Variants in GLCCI1 observed in about 807,000 individuals in gnomAD.
The protein encoded by GLCCI1 is glucocorticoid induced 1, also known as glucocorticoid-induced transcript 1 protein.
GLCCI1 carries 24 observed loss-of-function variants against 52.2 expected under a neutral mutation model. That is an observed-to-expected ratio of 0.46 (90% CI 0.33 to 0.65). The LOEUF is 0.65. Among genes scored for constraint, GLCCI1 ranks in the 30% least tolerant of loss-of-function variants. The probability of loss-of-function intolerance (pLI) is 0.02; values close to 1 mark genes in which losing one functional copy is unlikely to be tolerated. For missense variants in GLCCI1, 704 were observed against 701.5 expected (o/e 1.00, Z -0.04); for synonymous variants, 310 against 276.5 (o/e 1.12, Z -1.20).
intron 1 of GLCCI1, among the ~76,000 whole-genome samples, chr7:7,984,860 A>G (rs1780691874): frequency 6.6e-6 from 1 of 152,260 alleles, no homozygotes; most frequent in Non-Finnish European, 1.5e-5. Context: ...CCTAAAAGGG[A>G]AAGAACTCAT....
At chr7:8,040,357 G>T (rs1461337396) in intron 3 of GLCCI1, among the ~76,000 whole-genome samples, 1 of 152,146 alleles carries the variant, frequency 6.6e-6, no homozygotes, top group African/African-American at 2.4e-5. Context: ...ATGGTGGTGT[G>T]TGCCTGTGGT....
At chr7:8,052,761 C>G (rs1042020578) in intron 3 of GLCCI1, among the ~76,000 whole-genome samples, 7 of 152,212 alleles carry the variant, frequency 4.6e-5, no homozygotes, top group African/African-American at 1.7e-4. Flanking sequence ...CACCAGGTCT[C>G]TTGCTAGTGA....
intron 5 of GLCCI1, among the ~76,000 whole-genome samples, chr7:8,064,977 A>G (rs1284425643): frequency 6.6e-6 from 1 of 151,988 alleles, no homozygotes; most frequent in African/African-American, 2.4e-5. Context: ...CGGCCCCCCT[A>G]AAGTGCTGGG....
chr7:7,972,033 C>G (rs949357187), intron 1 of GLCCI1, among the ~76,000 whole-genome samples: 2 of 152,176 alleles, frequency 1.3e-5, no homozygotes, highest in African/African-American at 4.8e-5. Flanking sequence ...GCCTTTTACC[C>G]CCACTACCCA....
chr7:7,980,918 C>A lies in GLCCI1; in HGVS notation c.457+11111C>A, dbSNP rs557605356. 1.2e-5 allele frequency: 7 copies of A among 604,126 alleles called. No individual in the cohort carries two copies. The Admixed American group carries it at 1.7e-4, about 14-fold the overall frequency. The allele number at this position is 604,126 out of a possible 1,614,324, so 37.4% of individuals were successfully genotyped here. ...GATGACATTCCTGATTTATTAATCC[C>A]TGATCAATCACCAGAACCTACAAGG... On this transcript the variant is annotated intron_variant, in intron 1 of 7. Coordinates refer to ENST00000223145, the MANE Select transcript of GLCCI1 (RefSeq NM_138426.4).
At chr7:7,999,531 C>G (rs753092956) in intron 1 of GLCCI1, among the ~76,000 whole-genome samples, 1 of 152,156 alleles carries the variant, frequency 6.6e-6, no homozygotes, top group African/African-American at 2.4e-5. Context: ...AGCTTGAGCC[C>G]AGGAGTTCCA....
At chr7:7,976,960 A>C (rs555778424) in intron 1 of GLCCI1, among the ~76,000 whole-genome samples, 1 of 151,936 alleles carries the variant, frequency 6.6e-6, no homozygotes, top group African/African-American at 2.4e-5. Context: ...CCAACCATCT[A>C]GATGTGTTTC....
intron 1 of GLCCI1, among the ~76,000 whole-genome samples, chr7:7,990,023 G>T (rs1780808559): frequency 6.6e-6 from 1 of 151,788 alleles, no homozygotes; most frequent in Non-Finnish European, 1.5e-5. Context: ...TTTTAAAAAT[G>T]TAATCAGAAG....
rs78472191 is a variant in GLCCI1, at chr7:8,057,336, T to C, written c.813+1787T>C. 2.5e-3 allele frequency among the ~76,000 whole-genome samples: 372 copies of C among 151,612 alleles called. 2 individuals carry two copies. Among genetic ancestry groups the C allele is most frequent in the African/African-American group, 8.4e-3 (346 of 41,360 alleles). ...AAGTTGTGAGTGGATAAACACTTCA[T>C]GTATCCATGCATCCATGCAATACTG... On this transcript the variant is annotated intron_variant, in intron 4 of 7. Coordinates refer to ENST00000223145, the MANE Select transcript of GLCCI1 (RefSeq NM_138426.4).
In GLCCI1 at chr7:7,986,735, G is replaced by A. The variant is rs1431484128; in HGVS notation, c.457+16928G>A. 5.3e-5 allele frequency among the ~76,000 whole-genome samples: 8 copies of A among 152,170 alleles called. 1 individual carries two copies. Among genetic ancestry groups the A allele is most frequent in the Admixed American group, 4.6e-4 (7 of 15,282 alleles). The stretch of plus-strand genomic sequence containing the variant: ...ACACTCAGAGACTTGGTACAGAAAT[G>A]GAGTTGGTTTCTTCACTTATTGGCA... On this transcript the variant is annotated intron_variant, in intron 1 of 7. Transcript: ENST00000223145.
intron 6 of GLCCI1, among the ~76,000 whole-genome samples, chr7:8,077,554 A>G (rs992251845): frequency 6.6e-6 from 1 of 152,148 alleles, no homozygotes; most frequent in Non-Finnish European, 1.5e-5. Context: ...TGGACAAGCT[A>G]CTCAATCGAT....
At chr7:8,070,825 G>C in intron 5 of GLCCI1, 96 bp from the exon 6 acceptor site, 4 of 1,080,450 alleles carry the variant, frequency 3.7e-6, no homozygotes, top group South Asian at 1.5e-5. Context: ...TGGGTCAGTA[G>C]TGGTGGAATA....
intron 1 of GLCCI1, among the ~76,000 whole-genome samples, chr7:7,976,120 TATAACTTAA>T: frequency 6.6e-6 from 1 of 152,146 alleles, no homozygotes; most frequent in South Asian, 2.1e-4. Context: ...AGTGTACGTA[TATAACTTAA>T]TGAAGTCCAC....
At chr7:8,057,673 C>G (rs1782428959) in intron 4 of GLCCI1, among the ~76,000 whole-genome samples, 1 of 152,070 alleles carries the variant, frequency 6.6e-6, no homozygotes, top group African/African-American at 2.4e-5. Context: ...AGCTGTAAAA[C>G]AAACTGGCAA....
chr7:7,983,016 C>G (rs1177261004), intron 1 of GLCCI1, among the ~76,000 whole-genome samples: 1 of 152,130 alleles, frequency 6.6e-6, no homozygotes, highest in East Asian at 1.9e-4. Context: ...CTTTAGGACA[C>G]TTGCCCCGTT....
At position 8,068,778 on chromosome 7, in the gene GLCCI1, C is replaced by T. The variant is rs935558046; in HGVS notation, c.967-2143C>T. Among the ~76,000 whole-genome samples the T allele has an allele frequency of 2.6e-5, 4 of 152,266 alleles. No homozygotes were observed. In the East Asian group the frequency reaches 5.8e-4, roughly 22 times the overall value. On this transcript the variant is annotated intron_variant, in intron 5 of 7. Coordinates refer to ENST00000223145, the MANE Select transcript of GLCCI1 (RefSeq NM_138426.4). Reference sequence around the variant, plus strand: ...CCTGTGTGGGCTGATGTTCCTTCAACCATGGTATAATTTGTACAGTCGGTT... The same window carrying T: ...CCTGTGTGGGCTGATGTTCCTTCAATCATGGTATAATTTGTACAGTCGGTT...
At chr7:7,980,766 G>A in intron 1 of GLCCI1, 1 of 693,378 alleles carries the variant, frequency 1.4e-6, no homozygotes. Context: ...GTACCATACA[G>A]TATTTGGTGA....
At chr7:8,064,326 G>T (rs1480444529) in intron 5 of GLCCI1, among the ~76,000 whole-genome samples, 1 of 152,150 alleles carries the variant, frequency 6.6e-6, no homozygotes, top group African/African-American at 2.4e-5. Context: ...CATATAGCTA[G>T]CGAATTATCC....
rs183781417 is a variant in GLCCI1, at chr7:8,083,460, G to A, written c.1178-1437G>A. Among the ~76,000 whole-genome samples, 262 of 152,162 alleles carry A rather than the reference G, an allele frequency of 1.7e-3. 3 individuals carry two copies. Among genetic ancestry groups the A allele is most frequent in the African/African-American group, 6.2e-3 (256 of 41,542 alleles). ...GGCAGCAAATTCAGACCTCCAATCA[G>A]GCTAATTATGCTTTGTATCAACCTG... On this transcript the variant is annotated intron_variant, in intron 6 of 7. Transcript: ENST00000223145.
Sources: gnomAD v4.1 joint callset for allele counts (sites outside exome capture counted in the v4.1 genomes callset) on GRCh38, gnomAD v4.1.1 for gene constraint, MANE v1.5 for transcripts, NCBI Gene and HGNC (gene_info 2026-07-23, HGNC 2026-07-21) for gene names.